Variants in USP40 observed in about 807,000 individuals in gnomAD.
USP40 encodes the protein ubiquitin specific peptidase 40.
In USP40, 143 loss-of-function variants were observed where a neutral mutation model predicts 166.2. The ratio of observed to expected loss-of-function variants is 0.86; its 90% CI spans 0.75 to 0.99. USP40 has a LOEUF of 0.99. USP40 is among the 50% of genes least tolerant of loss of function. The pLI, the probability that USP40 is intolerant of heterozygous loss-of-function variation, is 0.00. For missense variants in USP40, 1,444 were observed against 1,479.7 expected (o/e 0.98, Z 0.40); for synonymous variants, 498 against 524.0 (o/e 0.95, Z 0.68).
chr2:233,515,334 A>T (rs551030380), intron 18 of USP40, among the ~76,000 whole-genome samples: 2 of 152,216 alleles, frequency 1.3e-5, no homozygotes, highest in Non-Finnish European at 2.9e-5. Context: ...TTACCTTCCC[A>T]TCAGCAATAT....
At chr2:233,515,217 G>A (rs2067104277) in intron 18 of USP40, among the ~76,000 whole-genome samples, 1 of 152,156 alleles carries the variant, frequency 6.6e-6, no homozygotes, top group South Asian at 2.1e-4. Flanking sequence ...TCTTTATAAG[G>A]ATATATGTTT....
chr2:233,542,954 C>T (rs2069562077), intron 8 of USP40, among the ~76,000 whole-genome samples: 1 of 152,146 alleles, frequency 6.6e-6, no homozygotes, highest in African/African-American at 2.4e-5. Context: ...CATTAAAATT[C>T]AGTTCAAAGT....
In USP40 at chr2:233,480,537, G is replaced by C. The variant is rs1157252641; in HGVS notation, c.3599+666C>G. Among the ~76,000 whole-genome samples, 2 of 152,262 alleles carry C rather than the reference G, an allele frequency of 1.3e-5. No individual in the cohort carries two copies. Among genetic ancestry groups the C allele is most frequent in the East Asian group, 1.9e-4 (1 of 5,196 alleles). ...GCCTGAAGACAGCCGGCTGGGCACAGAGCCTGTGGCTTGGCCTGACTGCAA... is the reference window on the plus strand; with the variant it reads ...GCCTGAAGACAGCCGGCTGGGCACACAGCCTGTGGCTTGGCCTGACTGCAA... On this transcript the variant is annotated intron_variant, in intron 31 of 31. Transcript: ENST00000678225. The surrounding 1 kb of genome is among the most constrained non-coding windows in gnomAD (Gnocchi z 4.5).
Position 233,486,062 on chromosome 2 carries a change from C to T in USP40, c.3198-85G>A. 2 of 1,409,450 alleles carry T rather than the reference C, an allele frequency of 1.4e-6. No homozygotes were observed. Among genetic ancestry groups the T allele is most frequent in the Non-Finnish European group, 1.9e-6 (2 of 1,055,846 alleles). 87.3% of individuals were successfully genotyped at this position (1,409,450 alleles called of 1,614,324 possible). On this transcript the variant is annotated intron_variant, in intron 28 of 31. Coordinates refer to ENST00000678225, the MANE Select transcript of USP40 (RefSeq NM_001365479.2). The surrounding 1 kb of genome is among the most constrained non-coding windows in gnomAD (Gnocchi z 4.0). ...TTGAGGCATAATGGGCAAAGCTTCT[C>T]CTCCAGCTTTTCTGGTTTTTATAAG... is the stretch of plus-strand genomic sequence containing the variant.
At chr2:233,525,383 T>A in intron 14 of USP40, 95 bp downstream of exon 14, 1 of 799,648 alleles carries the variant, frequency 1.3e-6, no homozygotes, top group Non-Finnish European at 2.1e-6. Context: ...AAGTAGTAGG[T>A]GGGGAAGGAC....
rs368016092 is a variant in USP40 at position 233,486,550 on chromosome 2, C to T, written c.3198-573G>A. Among the ~76,000 whole-genome samples, 19 of 152,084 alleles carry T rather than the reference C, an allele frequency of 1.2e-4. No individual in the cohort carries two copies. The highest frequency in any genetic ancestry group is 2.6e-4 in the Admixed American group (4 of 15,278). The stretch of plus-strand genomic sequence containing the variant: ...CTCAGCAAGGCAGGAGGAACAGGGA[C>T]GTGCAGAGGTCAGCACAGGCCATGG... On this transcript the variant is annotated intron_variant, in intron 28 of 31. Coordinates refer to ENST00000678225, the MANE Select transcript of USP40 (RefSeq NM_001365479.2). The surrounding 1 kb of genome is among the most constrained non-coding windows in gnomAD (Gnocchi z 4.0).
chr2:233,500,001 A>G lies in USP40; in HGVS notation c.2614-86T>C, dbSNP rs2065972481. 2.7e-6 allele frequency: 3 copies of G among 1,109,144 alleles called. No homozygotes were observed. The South Asian group carries it at 4.4e-5, about 16-fold the overall frequency. The allele number at this position is 1,109,144 out of a possible 1,614,324, so 68.7% of individuals were successfully genotyped here. On this transcript the variant is annotated intron_variant, in intron 21 of 31. Transcript: ENST00000678225. ...AACACCCTTTTTGGACCCTAGGCCT[A>G]TTTAAGTCTGACTATATTTAATGAT... is the stretch of plus-strand genomic sequence containing the variant.
intron 6 of USP40, 58 bp downstream of exon 6, chr2:233,554,321 GT>G: frequency 6.8e-7 from 1 of 1,472,620 alleles, no homozygotes; most frequent in Non-Finnish European, 9.0e-7. Context: ...TTTCATACAA[GT>G]TGACTTGTAC....
intron 7 of USP40, among the ~76,000 whole-genome samples, chr2:233,549,584 T>C (rs541934882): frequency 1.3e-5 from 2 of 152,236 alleles, no homozygotes; most frequent in South Asian, 2.1e-4. Flanking sequence ...GAGAAACCCA[T>C]CTTCGTACAA....
chr2:233,494,915 C>CATTTATATATATATATAT (rs1265219527), intron 24 of USP40, among the ~76,000 whole-genome samples: 15 of 11,354 alleles, frequency 1.3e-3, no homozygotes, highest in Admixed American at 4.0e-3. Context: ...AGCAAAATGG[C>CATTTATATATATATATAT]ATATATATAT....
At chr2:233,566,171 G>C (rs2072130388) in intron 1 of USP40, among the ~76,000 whole-genome samples, 1 of 151,906 alleles carries the variant, frequency 6.6e-6, no homozygotes, top group African/African-American at 2.4e-5. Context: ...GGGGGGAAGG[G>C]GAGCGGAGGG....
intron 2 of USP40, among the ~76,000 whole-genome samples, chr2:233,564,086 G>A (rs1001845437): frequency 2.0e-5 from 3 of 152,140 alleles, no homozygotes; most frequent in South Asian, 2.1e-4. Context: ...TTTATGGAGG[G>A]GATCGAGTCA....
chr2:233,556,115 C>T (rs1035265610), intron 5 of USP40, among the ~76,000 whole-genome samples: 12 of 92,638 alleles, frequency 1.3e-4, no homozygotes, highest in African/African-American at 5.0e-4. Context: ...GACTCCATCT[C>T]AAAAAAAAAA....
At position 233,565,225 on chromosome 2, in the gene USP40, T is replaced by C. The variant is rs913933979; in HGVS notation, c.199+131A>G. Reference sequence around the variant, plus strand: ...GAGGGAATTACCAATTTATATCTTATATGTGCAACAATAAACACATACTGT... The same window carrying C: ...GAGGGAATTACCAATTTATATCTTACATGTGCAACAATAAACACATACTGT... On this transcript the variant is annotated intron_variant, in intron 2 of 31. Transcript: ENST00000678225. 10 of 722,296 alleles carry C rather than the reference T, an allele frequency of 1.4e-5. No individual in the cohort carries two copies. The African/African-American group carries it at 1.6e-4, about 12-fold the overall frequency. 44.7% of individuals were successfully genotyped at this position (722,296 alleles called of 1,614,324 possible).
chr2:233,486,583 G>C lies in USP40; in HGVS notation c.3198-606C>G, dbSNP rs2125047645. Among the ~76,000 whole-genome samples the C allele has an allele frequency of 6.6e-6, 1 of 152,336 alleles. No homozygotes were observed. Among genetic ancestry groups the C allele is most frequent in the Middle Eastern group, 3.4e-3 (1 of 294 alleles). ...GGTCAGCACAGGCCATGGAGGAAAA[G>C]CTATAGATAAGAACTGGAAGGCAGC... is the stretch of plus-strand genomic sequence containing the variant. On this transcript the variant is annotated intron_variant, in intron 28 of 31. Coordinates refer to ENST00000678225, the MANE Select transcript of USP40 (RefSeq NM_001365479.2). This position sits in a 1 kb window ranked among gnomAD's most constrained non-coding sequence, Gnocchi z 4.0.
chr2:233,540,695 C>G lies in USP40; in HGVS notation c.1137G>C (p.Lys379Asn). The G allele has an allele frequency of 6.2e-7, 1 of 1,612,886 alleles. No individual in the cohort carries two copies. Among genetic ancestry groups the G allele is most frequent in the Non-Finnish European group, 8.5e-7 (1 of 1,179,252 alleles). ...GTGGTCCATGCTGTTTTCTGTACTT[C>G]TTGTTCCAAGATATTCCTATCTTTT... ...LLKKIGISWN[K>N]KYRKQHGPLR... Residue 379 changes from lysine to asparagine, a missense_variant, in exon 10 of 32, where the codon AAG becomes AAC. Coordinates refer to ENST00000678225, the MANE Select transcript of USP40 (RefSeq NM_001365479.2).
intron 21 of USP40, among the ~76,000 whole-genome samples, chr2:233,500,355 G>A (rs746611217): frequency 7.2e-5 from 11 of 152,084 alleles, no homozygotes; most frequent in Non-Finnish European, 1.3e-4. Flanking sequence ...GAATTTCCCC[G>A]TTTTCCCTAA....
At chr2:233,563,592 T>A (rs2071858164) in intron 2 of USP40, among the ~76,000 whole-genome samples, 1 of 152,114 alleles carries the variant, frequency 6.6e-6, no homozygotes, top group Non-Finnish European at 1.5e-5. Flanking sequence ...CATAAAACCA[T>A]ACAAAAACTT....
At chr2:233,558,102 T>C (rs1245713273) in intron 4 of USP40, among the ~76,000 whole-genome samples, 1 of 146,944 alleles carries the variant, frequency 6.8e-6, no homozygotes, top group Non-Finnish European at 1.5e-5. Flanking sequence ...TACAAGACCC[T>C]CAAGGATGTA....
Sources: allele counts gnomAD v4.1 joint callset (sites outside exome capture counted in the v4.1 genomes callset), GRCh38; gene constraint gnomAD v4.1.1; non-coding constraint Gnocchi (gnomAD v3.1); transcripts MANE v1.5; gene names NCBI Gene and HGNC (gene_info 2026-07-23, HGNC 2026-07-21).